Variants in GRIK1 observed in about 807,000 individuals in gnomAD.
GRIK1 encodes the protein glutamate ionotropic receptor kainate type subunit 1.
GRIK1 carries 69 observed loss-of-function variants against 105.7 expected under a neutral mutation model. That is an observed-to-expected ratio of 0.65 (90% CI 0.54 to 0.80). The LOEUF (loss-of-function observed/expected upper bound fraction) is 0.80, where lower values mean the gene tolerates loss of function less well. Ranked by LOEUF, GRIK1 falls within the 30% of genes least tolerant of loss-of-function variation. GRIK1 has a pLI of 0.00. For missense variants in GRIK1, 1,109 were observed against 1,167.3 expected (o/e 0.95, Z 0.73); for synonymous variants, 438 against 431.3 (o/e 1.02, Z -0.19).
intron 1 of GRIK1, chr21:29,759,883 C>T (rs1212523213): frequency 6.6e-6 from 1 of 152,172 alleles, no homozygotes; most frequent in Admixed American, 6.5e-5. Context: ...GACATTTTCT[C>T]TACAGAATTT....
At chr21:29,828,190 A>G (rs1447815110) in intron 1 of GRIK1, among the ~76,000 whole-genome samples, 5 of 151,928 alleles carry the variant, frequency 3.3e-5, no homozygotes, top group African/African-American at 9.7e-5. Flanking sequence ...GCTTCCTTCT[A>G]TTGGTCAGGG....
At chr21:29,823,842 C>T (rs1373812205) in intron 1 of GRIK1, among the ~76,000 whole-genome samples, 2 of 151,890 alleles carry the variant, frequency 1.3e-5, no homozygotes, top group Non-Finnish European at 2.9e-5. Flanking sequence ...TTTCAGCTCT[C>T]CCAAGCAGAA....
intron 1 of GRIK1, among the ~76,000 whole-genome samples, chr21:29,707,019 C>T (rs1415678089): frequency 6.6e-6 from 1 of 152,186 alleles, no homozygotes; most frequent in Non-Finnish European, 1.5e-5. Context: ...TGCCCGCCAC[C>T]GCGCCCTGCT....
At chr21:29,866,438 T>C (rs182112274) in intron 1 of GRIK1, among the ~76,000 whole-genome samples, 2 of 152,310 alleles carry the variant, frequency 1.3e-5, no homozygotes, top group Admixed American at 1.3e-4. Context: ...GCACCTGCTA[T>C]TACCTCTGGG....
intron 7 of GRIK1, among the ~76,000 whole-genome samples, chr21:29,613,092 C>T (rs2061766092): frequency 6.6e-6 from 1 of 152,048 alleles, no homozygotes; most frequent in South Asian, 2.1e-4. Flanking sequence ...TTTATCTAGT[C>T]GTTGTGAAAA....
chr21:29,832,877 G>A (rs1213482644), intron 1 of GRIK1, among the ~76,000 whole-genome samples: 1 of 152,062 alleles, frequency 6.6e-6, no homozygotes, highest in Non-Finnish European at 1.5e-5. Context: ...CACATGGCTG[G>A]GCTACAAATT....
chr21:29,805,411 T>A (rs925288839), intron 1 of GRIK1, among the ~76,000 whole-genome samples: 3 of 152,142 alleles, frequency 2.0e-5, no homozygotes, highest in African/African-American at 7.2e-5. Context: ...GGCCCTGAAA[T>A]CTGATTCACC....
At chr21:29,833,417 A>C (rs1356267906) in intron 1 of GRIK1, among the ~76,000 whole-genome samples, 2 of 152,156 alleles carry the variant, frequency 1.3e-5, no homozygotes, top group African/African-American at 2.4e-5. Context: ...GCTGTAAAGA[A>C]CCATCTGAGA....
chr21:29,782,077 C>G (rs1225766175), intron 1 of GRIK1, among the ~76,000 whole-genome samples: 4 of 149,962 alleles, frequency 2.7e-5, no homozygotes, highest in Non-Finnish European at 5.9e-5. Context: ...GTATACAACA[C>G]TGCAACACCT....
intron 14 of GRIK1, among the ~76,000 whole-genome samples, chr21:29,575,048 C>T (rs2146230222): frequency 6.6e-6 from 1 of 152,208 alleles, no homozygotes; most frequent in South Asian, 2.1e-4. Flanking sequence ...TTTTTTAACA[C>T]AGAAGAAAAG....
intron 1 of GRIK1, among the ~76,000 whole-genome samples, chr21:29,735,846 C>CAAA (rs34778018): frequency 9.9e-6 from 1 of 101,264 alleles, no homozygotes; most frequent in Admixed American, 9.7e-5. Flanking sequence ...GACTCCGTCT[C>CAAA]AAAAAAAAAA....
rs542239783 is a variant in GRIK1 at position 29,608,884 on chromosome 21, A to T, written c.1099-9947T>A. ...ACTAGAGGATGGAATCAGGATTTTC[A>T]GGACTCTTTTTAATAGTCCAGGAGC... On this transcript the variant is annotated intron_variant, in intron 7 of 17. Coordinates refer to ENST00000327783, the MANE Select transcript of GRIK1 (RefSeq NM_001330994.2). Among the ~76,000 whole-genome samples, 3 of 152,226 alleles carry T rather than the reference A, an allele frequency of 2.0e-5. No homozygotes were observed. In the East Asian group the frequency reaches 5.8e-4, roughly 29 times the overall value.
chr21:29,678,921 A>G (rs186307056), intron 3 of GRIK1, among the ~76,000 whole-genome samples: 12 of 152,360 alleles, frequency 7.9e-5, no homozygotes, highest in Admixed American at 5.9e-4. Flanking sequence ...GGCTTCTGTC[A>G]AGATTCTTAG....
At chr21:29,937,841 A>C (rs958165208) in intron 1 of GRIK1, among the ~76,000 whole-genome samples, 1 of 151,550 alleles carries the variant, frequency 6.6e-6, no homozygotes, top group Non-Finnish European at 1.5e-5. Context: ...TTGCATTCCC[A>C]AAAACCCAGG....
chr21:29,770,108 A>G (rs2065777547), intron 1 of GRIK1, among the ~76,000 whole-genome samples: 1 of 152,146 alleles, frequency 6.6e-6, no homozygotes, highest in African/African-American at 2.4e-5. Context: ...CTCTATCAGT[A>G]ACTGCATAGT....
At chr21:29,855,145 GTATTGGAACCCTGTGAGA>G (rs2068426063) in intron 1 of GRIK1, among the ~76,000 whole-genome samples, 1 of 152,170 alleles carries the variant, frequency 6.6e-6, no homozygotes, top group African/African-American at 2.4e-5. Context: ...AAACTAGTAT[GTATTGGAACCCTGTGAGA>G]TATCACTCAT....
At chr21:29,606,665 AAAAACAAAACAAAACAAAAC>A (rs72368755) in intron 7 of GRIK1, among the ~76,000 whole-genome samples, 1 of 149,870 alleles carries the variant, frequency 6.7e-6, no homozygotes, top group African/African-American at 2.5e-5. Flanking sequence ...ATCTTTTTTT[AAAAACAAAACAAAACAAAAC>A]AAAACAAAAC....
At chr21:29,919,456 T>C (rs2071118730) in intron 1 of GRIK1, among the ~76,000 whole-genome samples, 1 of 152,170 alleles carries the variant, frequency 6.6e-6, no homozygotes, top group African/African-American at 2.4e-5. Context: ...TACAGCAATC[T>C]GTAAGTAGAG....
At chr21:29,685,110 A>G (rs184775277) in intron 3 of GRIK1, among the ~76,000 whole-genome samples, 103 of 152,284 alleles carry the variant, frequency 6.8e-4, no homozygotes, top group African/African-American at 2.3e-3. Context: ...TTTTCTGGAT[A>G]TTTTTGTTTA....
Sources: gnomAD v4.1 joint callset for allele counts (sites outside exome capture counted in the v4.1 genomes callset) on GRCh38, gnomAD v4.1.1 for gene constraint, MANE v1.5 for transcripts, NCBI Gene and HGNC (gene_info 2026-07-23, HGNC 2026-07-21) for gene names.